The following BCR variants were observed in gnomAD, a reference collection of about 807,000 sequenced individuals.
The protein encoded by BCR is breakpoint cluster region protein.
BCR carries 58 observed loss-of-function variants against 138.6 expected under a neutral mutation model. The observed-to-expected ratio is 0.42, with a 90% CI of 0.34 to 0.52. The LOEUF (loss-of-function observed/expected upper bound fraction) is 0.52. BCR is among the 20% of genes least tolerant of loss of function. The probability of loss-of-function intolerance (pLI) is 0.06; values close to 1 mark genes in which losing one functional copy is unlikely to be tolerated. For synonymous variants in BCR, 786 were observed against 730.1 expected (o/e 1.08, Z -1.23); for missense variants, 1,599 against 1,727.2 (o/e 0.93, Z 1.32).
At chr22:23,204,772 G>A (rs956041129) in intron 1 of BCR, among the ~76,000 whole-genome samples, 9 of 152,218 alleles carry the variant, frequency 5.9e-5, no homozygotes, top group Non-Finnish European at 1.5e-5. Context: ...AGTGCAGAGC[G>A]TGGGCAGCGG....
At chr22:23,236,354 T>C (rs997602549) in intron 1 of BCR, among the ~76,000 whole-genome samples, 6 of 152,226 alleles carry the variant, frequency 3.9e-5, no homozygotes, top group African/African-American at 1.2e-4. Context: ...GGGATGTTTG[T>C]CTGCACTGCT....
chr22:23,245,122 A>G (rs1310782541), intron 1 of BCR, among the ~76,000 whole-genome samples: 6 of 152,134 alleles, frequency 3.9e-5, no homozygotes, highest in African/African-American at 1.4e-4. Flanking sequence ...AACCAGCTCA[A>G]CCTTCAAGCA....
At chr22:23,299,635 C>T (rs1315926073) in intron 16 of BCR, among the ~76,000 whole-genome samples, 1 of 151,768 alleles carries the variant, frequency 6.6e-6, no homozygotes, top group Non-Finnish European at 1.5e-5. Context: ...CAGACAGAGA[C>T]ATAAAACATA....
intron 4 of BCR, chr22:23,263,857 A>G (rs1279018436): frequency 2.0e-6 from 2 of 1,010,480 alleles, no homozygotes; most frequent in Non-Finnish European, 3.2e-6. Context: ...ACTGAAGACC[A>G]AATCTGGTCT....
chr22:23,239,239 G>T (rs2073060752), intron 1 of BCR, among the ~76,000 whole-genome samples: 1 of 152,200 alleles, frequency 6.6e-6, no homozygotes, highest in Non-Finnish European at 1.5e-5. Flanking sequence ...GGGGCTGGTT[G>T]GCTGGCAGTG....
At chr22:23,227,045 T>C (rs746907473) in intron 1 of BCR, among the ~76,000 whole-genome samples, 1 of 152,084 alleles carries the variant, frequency 6.6e-6, no homozygotes, top group Non-Finnish European at 1.5e-5. Flanking sequence ...GGGAACACAG[T>C]TCACCTTAAG....
chr22:23,255,290 A>G lies in BCR; in HGVS notation c.1461+1310A>G, dbSNP rs1346885964. Reference sequence around the variant, plus strand: ...GTAACATGTACCTGCTCCGTGCAGCACACACAGGCTGCTGCCTTAGGTAGC... The same window carrying G: ...GTAACATGTACCTGCTCCGTGCAGCGCACACAGGCTGCTGCCTTAGGTAGC... On this transcript the variant is annotated intron_variant, in intron 2 of 22. Transcript: ENST00000305877. Among the ~76,000 whole-genome samples, 2 of 152,204 alleles carry G rather than the reference A, an allele frequency of 1.3e-5. 1 individual carries two copies. Among genetic ancestry groups the G allele is most frequent in the Non-Finnish European group, 2.9e-5 (2 of 68,046 alleles).
chr22:23,303,246 C>A (rs1286243019), intron 16 of BCR, among the ~76,000 whole-genome samples: 3 of 152,138 alleles, frequency 2.0e-5, no homozygotes, highest in African/African-American at 7.2e-5. Context: ...CTGGACAAAG[C>A]CCTGTCCTCC....
At position 23,287,285 on chromosome 22, in the gene BCR, G is replaced by T. The variant is rs74407518; in HGVS notation, c.2526+7G>T. 1.1e-3 allele frequency: 1,752 copies of T among 1,536,364 alleles called. 14 individuals carry two copies. The African/African-American group carries it at 0.021, about 19-fold the overall frequency. On this transcript the variant is annotated splice_region_variant and intron_variant, in intron 11 of 22. Transcript: ENST00000305877. Reference sequence around the variant, plus strand: ...GCACAGCCGCAACGGCAAGGTGAGCGCCTGCTGTTCCGGCCCCTCCTGCTC... The same window carrying T: ...GCACAGCCGCAACGGCAAGGTGAGCTCCTGCTGTTCCGGCCCCTCCTGCTC...
intron 2 of BCR, 66 bp downstream of exon 2, chr22:23,254,046 C>T (rs1453966636): frequency 1.3e-6 from 2 of 1,504,374 alleles, no homozygotes; most frequent in Non-Finnish European, 1.8e-6. Context: ...CAGCCCCATG[C>T]TCAGGGGTAT....
intron 1 of BCR, among the ~76,000 whole-genome samples, chr22:23,202,861 G>T (rs1051818417): frequency 5.4e-4 from 80 of 149,284 alleles, no homozygotes; most frequent in Middle Eastern, 3.4e-3. Flanking sequence ...TTTTTGTGGG[G>T]TTTTTTTTTT....
At chr22:23,289,914 C>G (rs2073765069) in intron 13 of BCR, 2 of 526,314 alleles carry the variant, frequency 3.8e-6, no homozygotes, top group Non-Finnish European at 6.9e-6. Flanking sequence ...TTGGATCTGG[C>G]CCCACTCCCG....
chr22:23,180,942 A>AGGTAAGGCCGGCCGCGCC lies in BCR; in HGVS notation c.-18_-1dup. 3 of 1,215,176 alleles carry AGGTAAGGCCGGCCGCGCC rather than the reference A, an allele frequency of 2.5e-6. No homozygotes were observed. Among genetic ancestry groups the AGGTAAGGCCGGCCGCGCC allele is most frequent in the Non-Finnish European group, 2.1e-6 (2 of 962,884 alleles). The allele number at this position is 1,215,176 out of a possible 1,614,324, so 75.3% of individuals were successfully genotyped here. A position where few individuals can be genotyped will look rare whatever the true frequency, so the allele number is the denominator to read the frequency against. On this transcript the variant is annotated 5_prime_UTR_variant, in exon 1 of 23. Coordinates refer to ENST00000305877, the MANE Select transcript of BCR (RefSeq NM_004327.4). ...GGCCCCGCGCGCAGCCCGGCGGCGC[A>AGGTAAGGCCGGCCGCGCC]GGTAAGGCCGGCCGCGCCATGGTGG...
rs114148412 is a variant in BCR, at chr22:23,192,415, G to A, written c.1279+10176G>A. ...CTCAGCAAACCGGTTTTGGGCACCT[G>A]CTGTGTTGGGCACAGATGGTGCTCA... On this transcript the variant is annotated intron_variant, in intron 1 of 22. Coordinates refer to ENST00000305877, the MANE Select transcript of BCR (RefSeq NM_004327.4). Among the ~76,000 whole-genome samples, 1,381 of 152,342 alleles carry A rather than the reference G, an allele frequency of 9.1e-3. 21 individuals are homozygous for A. The highest frequency in any genetic ancestry group is 0.032 in the African/African-American group (1,326 of 41,568).
At chr22:23,273,511 C>T (rs926121908) in intron 7 of BCR, 123 bp from the exon 8 acceptor site, 1 of 1,311,990 alleles carries the variant, frequency 7.6e-7, no homozygotes, top group Non-Finnish European at 1.1e-6. Flanking sequence ...GTGAGAGAGA[C>T]TGTGGTGACA....
At chr22:23,308,137 G>T (rs373737150) in intron 16 of BCR, among the ~76,000 whole-genome samples, 166 of 150,932 alleles carry the variant, frequency 1.1e-3, no homozygotes, top group African/African-American at 4.0e-3. Context: ...CTGAATCAAG[G>T]GATGGAAACA....
rs183054732 is a variant in BCR, at chr22:23,190,682, G to A, written c.1279+8443G>A. 2.2e-3 allele frequency among the ~76,000 whole-genome samples: 332 copies of A among 152,260 alleles called. 1 individual carries two copies. Among genetic ancestry groups the A allele is most frequent in the African/African-American group, 7.3e-3 (302 of 41,540 alleles). On this transcript the variant is annotated intron_variant, in intron 1 of 22. Transcript: ENST00000305877. ...TTACTGGGCAGCAGAGGAAAGGGCT[G>A]CCAGGCAGAGGGAGATGGTGTTTGT...
Position 23,180,877 on chromosome 22 carries a change from C to T in BCR, c.-84C>T, listed in dbSNP as rs1304494255. On this transcript the variant is annotated 5_prime_UTR_variant, in exon 1 of 23. Transcript: ENST00000305877. ...CGGGCCATGGGGGCCGCCCGGCGCC[C>T]GGGGCCGGGCTGGCGAGGCGCCGCG... The T allele has an allele frequency of 1.3e-6, 1 of 764,170 alleles. No individual in the cohort carries two copies. The highest frequency in any genetic ancestry group is 1.4e-6 in the Non-Finnish European group (1 of 698,360). 47.3% of individuals were successfully genotyped at this position (764,170 alleles called of 1,614,324 possible).
chr22:23,299,091 G>C (rs1334244133), intron 16 of BCR, among the ~76,000 whole-genome samples: 1 of 152,148 alleles, frequency 6.6e-6, no homozygotes, highest in Admixed American at 6.5e-5. Context: ...CCGCCTCCTG[G>C]GTTCACGCCA....
Sources: gnomAD v4.1 joint callset for allele counts (sites outside exome capture counted in the v4.1 genomes callset) on GRCh38, gnomAD v4.1.1 for gene constraint, MANE v1.5 for transcripts, NCBI Gene and HGNC (gene_info 2026-07-23, HGNC 2026-07-21) for gene names.